Variants in TMEM182 observed in about 807,000 individuals in gnomAD.
TMEM182 encodes the protein transmembrane protein 182.
Under a neutral mutation model 26.8 loss-of-function variants are expected in TMEM182, and 20 were observed. That is an observed-to-expected ratio of 0.75 (90% CI 0.53 to 1.09). The LOEUF is 1.09. TMEM182 is among the 50% of genes least tolerant of loss of function. The pLI, the probability that TMEM182 is intolerant of heterozygous loss-of-function variation, is 0.00. For missense variants in TMEM182, 277 were observed against 275.5 expected, an observed-to-expected ratio of 1.01 and a Z score of -0.04; for synonymous variants, 109 against 102.2, an observed-to-expected ratio of 1.07 and a Z score of -0.40.
intron 3 of TMEM182, among the ~76,000 whole-genome samples, chr2:102,775,947 T>G (rs1466962557): frequency 6.6e-6 from 1 of 152,210 alleles, no homozygotes; most frequent in Non-Finnish European, 1.5e-5. Context: ...TCTGGAGCAA[T>G]TGTAAATAAT....
downstream of TMEM182, among the ~76,000 whole-genome samples, chr2:102,819,287 A>T (rs1417796021): frequency 6.6e-6 from 1 of 152,208 alleles, no homozygotes; most frequent in Non-Finnish European, 1.5e-5. Flanking sequence ...ACTACCAAAG[A>T]GTGATGTGTA....
rs140884763 is a variant in TMEM182, at chr2:102,739,059, C to T, written c.-83+2046C>T. Among the ~76,000 whole-genome samples the T allele has an allele frequency of 5.9e-5, 9 of 152,274 alleles. No individual in the cohort carries two copies. The East Asian group carries it at 7.7e-4, about 13-fold the overall frequency. On this transcript the variant is annotated intron_variant, in intron 1 of 5. Transcript: ENST00000409173. ...GCACTTGCAGTTTTGAAAAGATTTG[C>T]GATTGCTCTCTTTTGTAGGCCAGGT...
At chr2:102,803,870 C>A (rs893786774) in intron 4 of TMEM182, among the ~76,000 whole-genome samples, 1 of 151,102 alleles carries the variant, frequency 6.6e-6, no homozygotes, top group Non-Finnish European at 1.5e-5. Context: ...GCAGCCCTGC[C>A]GTCCACACCT....
At position 102,836,286 on chromosome 2, in the gene TMEM182, G is replaced by A. The variant is rs188057747; in HGVS notation, c.326-7126G>A. Among the ~76,000 whole-genome samples, 822 of 152,278 alleles carry A rather than the reference G, an allele frequency of 5.4e-3. 3 individuals carry two copies. The highest frequency in any genetic ancestry group is 9.5e-3 in the Non-Finnish European group (648 of 68,018). Reference sequence around the variant, plus strand: ...TTGCTGGATCATATGATAAGAATATGTTTAGGTTTAGAAGAAACCTCCAAA... The same window carrying A: ...TTGCTGGATCATATGATAAGAATATATTTAGGTTTAGAAGAAACCTCCAAA... On this transcript the variant is annotated intron_variant, in intron 3 of 3. Transcript: ENST00000486293.
chr2:102,752,338 T>A (rs1165482367), intron 1 of TMEM182, among the ~76,000 whole-genome samples: 1 of 152,224 alleles, frequency 6.6e-6, no homozygotes, highest in Admixed American at 6.5e-5. Context: ...ACATTTTTGT[T>A]ATTTAGTTGT....
At chr2:102,755,913 G>T (rs1680017338) in intron 1 of TMEM182, among the ~76,000 whole-genome samples, 1 of 152,218 alleles carries the variant, frequency 6.6e-6, no homozygotes, top group African/African-American at 2.4e-5. Context: ...AAACACATAT[G>T]AAAACTTGTA....
chr2:102,776,689 C>T (rs1680928627), intron 3 of TMEM182, among the ~76,000 whole-genome samples: 1 of 152,248 alleles, frequency 6.6e-6, no homozygotes, highest in African/African-American at 2.4e-5. Context: ...AGTGCAATTT[C>T]TGGATCGTAT....
chr2:102,814,161 C>T (rs908496215), intron 4 of TMEM182, among the ~76,000 whole-genome samples: 14 of 151,550 alleles, frequency 9.2e-5, no homozygotes, highest in Admixed American at 1.3e-4. Flanking sequence ...TTTTCATCTC[C>T]GTTCTTGTCT....
chr2:102,761,143 A>G (rs1244096363), upstream of TMEM182, among the ~76,000 whole-genome samples: 1 of 152,240 alleles, frequency 6.6e-6, no homozygotes, highest in Non-Finnish European at 1.5e-5. Context: ...AAATGCACAC[A>G]AATACTTAGA....
intron 1 of TMEM182, among the ~76,000 whole-genome samples, chr2:102,737,703 T>C (rs938647245): frequency 6.6e-6 from 1 of 152,196 alleles, no homozygotes; most frequent in Admixed American, 6.5e-5. Flanking sequence ...CTGAGTGCAG[T>C]GAAAGGAATT....
At chr2:102,796,408 A>G (rs543134878) in intron 3 of TMEM182, among the ~76,000 whole-genome samples, 163 of 152,316 alleles carry the variant, frequency 1.1e-3, no homozygotes, top group Non-Finnish European at 1.9e-3. Flanking sequence ...GTTAATGATT[A>G]TACCCCTAGC....
intron 3 of TMEM182, among the ~76,000 whole-genome samples, chr2:102,832,126 C>T (rs979550597): frequency 2.0e-5 from 3 of 152,174 alleles, no homozygotes; most frequent in Admixed American, 2.0e-4. Flanking sequence ...ATGTATTTCA[C>T]TGGATTCTAT....
At chr2:102,793,818 G>A (rs1038105440) in intron 3 of TMEM182, among the ~76,000 whole-genome samples, 3 of 152,128 alleles carry the variant, frequency 2.0e-5, no homozygotes, top group Admixed American at 6.5e-5. Flanking sequence ...GATAGAGAGG[G>A]CTGACCATAC....
intron 3 of TMEM182, among the ~76,000 whole-genome samples, chr2:102,770,105 A>T (rs946739890): frequency 6.6e-6 from 1 of 152,188 alleles, no homozygotes; most frequent in Non-Finnish European, 1.5e-5. Context: ...TAAAATACCA[A>T]TTATTCTTAG....
intron 3 of TMEM182, among the ~76,000 whole-genome samples, chr2:102,783,852 CT>C (rs1336422209): frequency 2.0e-5 from 3 of 152,322 alleles, no homozygotes; most frequent in Non-Finnish European, 4.4e-5. Flanking sequence ...GAAAATGTGA[CT>C]CTCAGCCTGT....
chr2:102,808,998 G>T (rs1266934409), intron 4 of TMEM182, among the ~76,000 whole-genome samples: 1 of 152,118 alleles, frequency 6.6e-6, no homozygotes, highest in Non-Finnish European at 1.5e-5. Flanking sequence ...GTTTACATTT[G>T]TCAAAACCCA....
upstream of TMEM182, chr2:102,758,557 A>G (rs1680114520): frequency 1.4e-6 from 1 of 705,204 alleles, no homozygotes; most frequent in South Asian, 1.5e-5. Flanking sequence ...TACAGGAAAC[A>G]TGCACCCTGC....
At chr2:102,801,369 A>T (rs1014795519) in intron 4 of TMEM182, among the ~76,000 whole-genome samples, 9 of 152,174 alleles carry the variant, frequency 5.9e-5, no homozygotes, top group African/African-American at 2.2e-4. Context: ...AACTTTATAC[A>T]CACTTCAAAA....
Position 102,764,336 on chromosome 2 carries a change from G to T in TMEM182, c.240G>T (p.Gln80His). 1 of 1,613,732 alleles carries T rather than the reference G, an allele frequency of 6.2e-7. No homozygotes were observed. The highest frequency in any genetic ancestry group is 1.3e-5 in the African/African-American group (1 of 74,962). The change falls in exon 3 of 5, where the codon CAG (glutamine) becomes CAT (histidine). Residue 80 changes from glutamine to histidine, a missense_variant. Physicochemically the swap from Gln to His is conservative, Grantham distance 24. Transcript: ENST00000412401. ...SNIWKFWYTN[Q>H]PPSKNCTHAY... The stretch of plus-strand genomic sequence containing the variant: ...TTTTGCTGTTCTTCCTAGCCAATCA[G>T]CCACCGTCCAAGAACTGCACACATG...
Sources: gnomAD v4.1 joint callset for allele counts (sites outside exome capture counted in the v4.1 genomes callset) on GRCh38, gnomAD v4.1.1 for gene constraint, MANE v1.5 for transcripts, NCBI Gene and HGNC (gene_info 2026-07-23, HGNC 2026-07-21) for gene names.